The following MYO1B variants were observed in gnomAD, a reference collection of about 807,000 sequenced individuals.
The protein encoded by MYO1B is myosin IB, also known as unconventional myosin-Ib.
In MYO1B, 72 loss-of-function variants were observed where a neutral mutation model predicts 159.7. The ratio of observed to expected loss-of-function variants is 0.45; its 90% CI spans 0.37 to 0.55. MYO1B has a LOEUF of 0.55. Among genes scored for constraint, MYO1B ranks in the 20% least tolerant of loss-of-function variants. The pLI is 0.00. For missense variants in MYO1B, 1,062 were observed against 1,364.8 expected (o/e 0.78, Z 3.50); for synonymous variants, 468 against 473.8 (o/e 0.99, Z 0.16).
intron 7 of MYO1B, among the ~76,000 whole-genome samples, chr2:191,357,954 G>A (rs1693408747): frequency 6.6e-6 from 1 of 152,190 alleles, no homozygotes; most frequent in Admixed American, 6.5e-5. Flanking sequence ...ATTGAAATGG[G>A]AGGCTCTAGG....
At chr2:191,344,875 C>CTCCACACAAAATATAAT (rs1404397858) in intron 5 of MYO1B, among the ~76,000 whole-genome samples, 2 of 150,834 alleles carry the variant, frequency 1.3e-5, no homozygotes, top group African/African-American at 4.9e-5. Context: ...GAAAAAGCCA[C>CTCCACACAAAATATAAT]TCCACACAAA....
Position 191,369,512 on chromosome 2 carries a change from G to A in MYO1B, c.1033-30G>A, listed in dbSNP as rs1694229786. On this transcript the variant is annotated intron_variant, in intron 11 of 30. Transcript: ENST00000392318. ...AAGTAAGCATTGTGGAATTGTGGGT[G>A]TTAAGTTTTGTTTGTTTGTTTTTTA... The A allele has an allele frequency of 5.3e-6, 8 of 1,516,784 alleles. No homozygotes were observed. In the South Asian group the frequency reaches 8.0e-5, roughly 15 times the overall value. The allele number at this position is 1,516,784 out of a possible 1,614,324, so 94.0% of individuals were successfully genotyped here. A position where few individuals can be genotyped will look rare whatever the true frequency, so the allele number is the denominator to read the frequency against.
chr2:191,404,284 G>A (rs201398427), intron 24 of MYO1B, among the ~76,000 whole-genome samples: 1 of 152,112 alleles, frequency 6.6e-6, no homozygotes, highest in East Asian at 1.9e-4. Context: ...CAGGCTTTTA[G>A]TGTCTGTAGT....
At chr2:191,263,624 G>GT (rs1429984013) in intron 1 of MYO1B, 1 of 152,136 alleles carries the variant, frequency 6.6e-6, no homozygotes, top group Non-Finnish European at 1.5e-5. Flanking sequence ...ACTATTGTAT[G>GT]TTTTATTTCT....
intron 2 of MYO1B, among the ~76,000 whole-genome samples, chr2:191,280,984 C>T (rs186643000): frequency 1.4e-4 from 21 of 152,314 alleles, no homozygotes; most frequent in Non-Finnish European, 2.8e-4. Context: ...CAGCTTCCCC[C>T]AGGAACTCTG....
chr2:191,402,777 T>G, intron 24 of MYO1B, 59 bp downstream of exon 24: 1 of 1,299,656 alleles, frequency 7.7e-7, no homozygotes, highest in Non-Finnish European at 1.1e-6. Flanking sequence ...TAGCACCTAC[T>G]AACCCTGAGA....
At chr2:191,359,312 G>GGTTTT (rs1553551577) in intron 7 of MYO1B, among the ~76,000 whole-genome samples, 2 of 134,732 alleles carry the variant, frequency 1.5e-5, no homozygotes, top group African/African-American at 5.4e-5. Flanking sequence ...AACCTTTGGG[G>GGTTTT]TTTTTTTTTT....
chr2:191,416,056 T>C, intron 29 of MYO1B, 59 bp from the exon 30 acceptor site: 3 of 1,563,790 alleles, frequency 1.9e-6, no homozygotes, highest in South Asian at 1.2e-5. Flanking sequence ...GCCAAGCCTG[T>C]AAATATTGAC....
intron 13 of MYO1B, among the ~76,000 whole-genome samples, chr2:191,373,580 C>T (rs1442618262): frequency 6.6e-6 from 1 of 152,160 alleles, no homozygotes; most frequent in Non-Finnish European, 1.5e-5. Flanking sequence ...TCGAGATCAT[C>T]CTGGCAAACA....
chr2:191,372,643 G>A (rs1694432603), intron 13 of MYO1B, among the ~76,000 whole-genome samples: 1 of 152,108 alleles, frequency 6.6e-6, no homozygotes, highest in Non-Finnish European at 1.5e-5. Flanking sequence ...GTTTGCTACA[G>A]ACCTAATCAG....
At chr2:191,404,107 A>G (rs1049419089) in intron 24 of MYO1B, among the ~76,000 whole-genome samples, 1 of 152,178 alleles carries the variant, frequency 6.6e-6, no homozygotes, top group African/African-American at 2.4e-5. Context: ...AGAATATAAT[A>G]ATTTTGTACT....
intron 11 of MYO1B, among the ~76,000 whole-genome samples, chr2:191,366,690 C>G (rs1694030577): frequency 6.6e-6 from 1 of 152,120 alleles, no homozygotes; most frequent in Admixed American, 6.5e-5. Flanking sequence ...CAGCTTACCT[C>G]AGTTTATTCC....
At chr2:191,402,362 A>C (rs1696668578) in intron 23 of MYO1B, 1 of 445,144 alleles carries the variant, frequency 2.2e-6, no homozygotes, top group African/African-American at 2.0e-5. Flanking sequence ...AGAAAAAAGG[A>C]AAGGAATGGA....
rs758862536 is a variant in MYO1B, at chr2:191,414,568, C to G, written c.3058C>G (p.Gln1020Glu). The change falls in exon 29 of 31, where the codon CAA (glutamine) becomes GAA (glutamate). Residue 1020 changes from glutamine to glutamate, a missense_variant. By Grantham distance (29) the Gln-to-Glu change is conservative. Coordinates refer to ENST00000392318, the MANE Select transcript of MYO1B (RefSeq NM_001130158.3). Reference sequence around the variant, plus strand: ...AAACAATAATCTCCTTCTTGCTGACCAAAAGTCTGGACAAATCAAGTCAGA... The same window carrying G: ...AAACAATAATCTCCTTCTTGCTGACGAAAAGTCTGGACAAATCAAGTCAGA... Reference protein sequence around the residue: ...LTNNNLLLADQKSGQIKSEVP... With the variant: ...LTNNNLLLADEKSGQIKSEVP... 1.2e-6 allele frequency: 2 copies of G among 1,612,962 alleles called. No homozygotes were observed. Among genetic ancestry groups the G allele is most frequent in the South Asian group, 1.1e-5 (1 of 90,822 alleles).
rs1686764856 is a variant in MYO1B, at chr2:191,260,792, G to C, written c.-10+15166G>C. ...AGAGCCAAGTTATAGAATGACATGTGACCTTGTACTCTTGACTCTATGTCT... is the reference window on the plus strand; with the variant it reads ...AGAGCCAAGTTATAGAATGACATGTCACCTTGTACTCTTGACTCTATGTCT... On this transcript the variant is annotated intron_variant, in intron 1 of 30. Transcript: ENST00000392318. Among the ~76,000 whole-genome samples the C allele has an allele frequency of 2.0e-5, 3 of 152,040 alleles. No homozygotes were observed. In the South Asian group the frequency reaches 6.2e-4, roughly 32 times the overall value.
chr2:191,278,717 G>A (rs1007607282), intron 2 of MYO1B, among the ~76,000 whole-genome samples: 1 of 152,240 alleles, frequency 6.6e-6, no homozygotes, highest in Non-Finnish European at 1.5e-5. Context: ...GTTTGGCTTG[G>A]CAGTACTGCC....
chr2:191,394,937 T>G (rs1480100476), intron 20 of MYO1B, among the ~76,000 whole-genome samples: 2 of 152,218 alleles, frequency 1.3e-5, no homozygotes, highest in Non-Finnish European at 2.9e-5. Context: ...TTTCAAAATT[T>G]GAACTACATA....
intron 1 of MYO1B, among the ~76,000 whole-genome samples, chr2:191,258,427 C>T (rs973072569): frequency 1.3e-5 from 2 of 152,142 alleles, no homozygotes; most frequent in African/African-American, 4.8e-5. Flanking sequence ...ATGTGAGGGC[C>T]TAGGACGTTA....
At chr2:191,382,208 C>T (rs1293199546) in intron 14 of MYO1B, among the ~76,000 whole-genome samples, 1 of 151,686 alleles carries the variant, frequency 6.6e-6, no homozygotes, top group African/African-American at 2.4e-5. Context: ...ATTTTTATTT[C>T]CTTTTTTGTT....
Sources: gnomAD v4.1 joint callset for allele counts (sites outside exome capture counted in the v4.1 genomes callset) on GRCh38, gnomAD v4.1.1 for gene constraint, MANE v1.5 for transcripts, NCBI Gene and HGNC (gene_info 2026-07-23, HGNC 2026-07-21) for gene names.